The following NR2F1-AS1 variants were observed in gnomAD, a reference collection of about 807,000 sequenced individuals.
The protein encoded by NR2F1-AS1 is NR2F1 regulatory antisense RNA 1, also known as NR2F1 antisense RNA 1.
chr5:93,447,966 A>G (rs940377002), intron 4 of NR2F1-AS1, among the ~76,000 whole-genome samples: 5 of 152,082 alleles, frequency 3.3e-5, no homozygotes, highest in African/African-American at 1.2e-4. Context: ...ACCAAACACC[A>G]TATGTTCTCA....
At chr5:93,511,644 C>T (rs1230764393) in intron 4 of NR2F1-AS1, among the ~76,000 whole-genome samples, 1 of 152,120 alleles carries the variant, frequency 6.6e-6, no homozygotes, top group Non-Finnish European at 1.5e-5. Context: ...AAATCCCAAG[C>T]CATGGACCAG....
intron 4 of NR2F1-AS1, among the ~76,000 whole-genome samples, chr5:93,514,599 TTAAG>T (rs1474780492): frequency 1.3e-5 from 2 of 152,092 alleles, no homozygotes; most frequent in Non-Finnish European, 2.9e-5. Context: ...CAATAAGAAC[TTAAG>T]TATTATTAAC....
At chr5:93,523,577 T>C (rs888782710) in intron 4 of NR2F1-AS1, among the ~76,000 whole-genome samples, 1 of 152,042 alleles carries the variant, frequency 6.6e-6, no homozygotes, top group Non-Finnish European at 1.5e-5. Flanking sequence ...GGCAGCAGGG[T>C]TGGACAGACA....
At chr5:93,478,160 C>T (rs557764335) in intron 4 of NR2F1-AS1, among the ~76,000 whole-genome samples, 2 of 152,242 alleles carry the variant, frequency 1.3e-5, no homozygotes, top group Middle Eastern at 3.4e-3. Context: ...TGTTCATGAC[C>T]CACCCACAGA....
intron 1 of NR2F1-AS1, among the ~76,000 whole-genome samples, chr5:93,568,836 G>A (rs1752675858): frequency 6.6e-6 from 1 of 152,108 alleles, no homozygotes; most frequent in Non-Finnish European, 1.5e-5. Context: ...ATCTTACACA[G>A]AAATGTTTAT....
intron 4 of NR2F1-AS1, among the ~76,000 whole-genome samples, chr5:93,519,937 G>T (rs956630893): frequency 1.8e-4 from 28 of 151,902 alleles, no homozygotes; most frequent in Non-Finnish European, 1.5e-5. Context: ...ATTTCTCCTA[G>T]CAGAGGTTTT....
At chr5:93,513,613 T>C (rs1751345166) in intron 4 of NR2F1-AS1, among the ~76,000 whole-genome samples, 1 of 152,046 alleles carries the variant, frequency 6.6e-6, no homozygotes, top group African/African-American at 2.4e-5. Context: ...TGGGTACTCA[T>C]GGACATAAAG....
At chr5:93,585,010 C>G, upstream of NR2F1-AS1, 1 of 1,002,418 alleles carries the variant, frequency 1.0e-6, no homozygotes, top group Non-Finnish European at 1.2e-6. Flanking sequence ...CCAGCGCTCC[C>G]CGGGCCCAAA....
chr5:93,498,711 A>G (rs1362809346), intron 4 of NR2F1-AS1, among the ~76,000 whole-genome samples: 1 of 152,178 alleles, frequency 6.6e-6, no homozygotes, highest in Non-Finnish European at 1.5e-5. Context: ...GCAACAGGGA[A>G]GACACAAGTT....
Position 93,569,615 on chromosome 5 carries a change from T to C in NR2F1-AS1, n.314-6152A>G, listed in dbSNP as rs185102863. On this transcript the variant is annotated intron_variant and non_coding_transcript_variant, in intron 1 of 5. Coordinates refer to ENST00000660523, the Ensembl canonical transcript of NR2F1-AS1. ...GAGTACAGTTGATGGAGTCAGTCTG[T>C]TCCTGATAAAATGAAGAACCACTGA... Among the ~76,000 whole-genome samples, 132 of 152,252 alleles carry C rather than the reference T, an allele frequency of 8.7e-4. 2 individuals carry two copies. The highest frequency in any genetic ancestry group is 7.4e-3 in the Admixed American group (113 of 15,300).
intron 4 of NR2F1-AS1, among the ~76,000 whole-genome samples, chr5:93,508,827 A>G (rs1751238960): frequency 6.6e-6 from 1 of 151,860 alleles, no homozygotes; most frequent in African/African-American, 2.4e-5. Flanking sequence ...AATGCAAATG[A>G]AAATAAAACA....
chr5:93,521,241 T>A (rs541405090), intron 4 of NR2F1-AS1, among the ~76,000 whole-genome samples: 1 of 152,282 alleles, frequency 6.6e-6, no homozygotes, highest in African/African-American at 2.4e-5. Flanking sequence ...AAGATTTAAA[T>A]GTAAAACTCA....
chr5:93,419,906 T>C (rs1277606880), intron 4 of NR2F1-AS1, among the ~76,000 whole-genome samples: 3 of 152,076 alleles, frequency 2.0e-5, no homozygotes, highest in Non-Finnish European at 4.4e-5. Context: ...TAGAATTATA[T>C]CATCTTGGGG....
intron 1 of NR2F1-AS1, chr5:93,571,460 C>T (rs1752766541): frequency 6.7e-6 from 1 of 149,764 alleles, no homozygotes; most frequent in Non-Finnish European, 1.5e-5. Context: ...CTAGATGAGA[C>T]TAGACAGTGA....
At chr5:93,439,851 AT>A (rs1749523318) in intron 4 of NR2F1-AS1, among the ~76,000 whole-genome samples, 1 of 152,192 alleles carries the variant, frequency 6.6e-6, no homozygotes, top group South Asian at 2.1e-4. Context: ...TTCTCTTAGC[AT>A]TTAATACTTG....
At chr5:93,491,384 CTGGTGGTGGTGGTGA>C (rs1295142170) in intron 4 of NR2F1-AS1, among the ~76,000 whole-genome samples, 1 of 130,392 alleles carries the variant, frequency 7.7e-6, no homozygotes, top group Non-Finnish European at 1.7e-5. Flanking sequence ...GGTGGTGGTG[CTGGTGGTGGTGGTGA>C]TGGCCGTGGT....
chr5:93,511,554 G>A (rs1348597861), intron 4 of NR2F1-AS1, among the ~76,000 whole-genome samples: 2 of 152,054 alleles, frequency 1.3e-5, no homozygotes, highest in African/African-American at 4.8e-5. Context: ...AGATTATATG[G>A]AACTGAAAAA....
chr5:93,502,140 T>A (rs973338179), intron 4 of NR2F1-AS1, among the ~76,000 whole-genome samples: 11 of 152,236 alleles, frequency 7.2e-5, no homozygotes, highest in African/African-American at 2.7e-4. Context: ...ATAAATAGAC[T>A]GCAGTATAGT....
At chr5:93,554,069 T>C (rs1752294425) in intron 3 of NR2F1-AS1, among the ~76,000 whole-genome samples, 1 of 152,196 alleles carries the variant, frequency 6.6e-6, no homozygotes, top group South Asian at 2.1e-4. Context: ...TATATATTAC[T>C]TACCTAAATA....
Sources: gnomAD v4.1 joint callset for allele counts (sites outside exome capture counted in the v4.1 genomes callset) on GRCh38, gnomAD v4.1.1 for gene constraint, MANE v1.5 for transcripts, NCBI Gene and HGNC (gene_info 2026-07-23, HGNC 2026-07-21) for gene names.